VPS35L: variants seen among roughly 807,000 people sequenced by gnomAD.
VPS35L encodes VPS35 endosomal protein sorting factor like.
A neutral mutation model predicts 133.0 loss-of-function variants in VPS35L; 83 were observed. That is an observed-to-expected ratio of 0.62 (90% CI 0.52 to 0.75). The LOEUF is 0.75. Ranked by LOEUF, VPS35L falls within the 30% of genes least tolerant of loss-of-function variation. The pLI, the probability that VPS35L is intolerant of heterozygous loss-of-function variation, is 0.00. For synonymous variants in VPS35L, 423 were observed against 449.9 expected, an observed-to-expected ratio of 0.94 and a Z score of 0.76; for missense variants, 1,083 against 1,206.8, an observed-to-expected ratio of 0.90 and a Z score of 1.52.
intron 8 of VPS35L, among the ~76,000 whole-genome samples, chr16:19,598,960 G>A (rs1972297972): frequency 6.6e-6 from 1 of 152,202 alleles, no homozygotes; most frequent in South Asian, 2.1e-4. Context: ...TTTGCTGTGT[G>A]ATGGTCCGAG....
Position 19,627,717 on chromosome 16 carries a change from T to C in VPS35L, c.1295T>C (p.Met432Thr). 1 of 1,613,940 alleles carries C rather than the reference T, an allele frequency of 6.2e-7. No homozygotes were observed. Among genetic ancestry groups the C allele is most frequent in the Non-Finnish European group, 8.5e-7 (1 of 1,179,796 alleles). Residue 432 changes from methionine to threonine, a missense_variant, in exon 16 of 31, where the codon ATG becomes ACG. Coordinates refer to ENST00000417362, the MANE Select transcript of VPS35L (RefSeq NM_020314.7). Reference protein sequence around the residue: ...GNNALLLNSVMSAFRAEFIAT... With the variant: ...GNNALLLNSVTSAFRAEFIAT... ...AGTGCCTTGCTGTTGAATTCTGTGA[T>C]GTCTGCCTTCCGGGCTGAGTTCATC...
chr16:19,594,452 T>C (rs1465771895), intron 8 of VPS35L, among the ~76,000 whole-genome samples: 3 of 151,964 alleles, frequency 2.0e-5, no homozygotes, highest in Non-Finnish European at 2.9e-5. Flanking sequence ...GAGACCAGAC[T>C]GGCTAACATG....
At position 19,566,995 on chromosome 16, in the gene VPS35L, G is replaced by A. The variant is rs146083538; in HGVS notation, c.117+2045G>A. The stretch of plus-strand genomic sequence containing the variant: ...TCAAACTCCTGACCTCAGGTGATCC[G>A]CCTGCCTCAGCCTCCCAAAGTGCTG... On this transcript the variant is annotated intron_variant, in intron 2 of 30. Coordinates refer to ENST00000417362, the MANE Select transcript of VPS35L (RefSeq NM_020314.7). 4.6e-3 allele frequency among the ~76,000 whole-genome samples: 693 copies of A among 152,032 alleles called. 3 individuals are homozygous for A. Among genetic ancestry groups the A allele is most frequent in the African/African-American group, 0.016 (660 of 41,482 alleles).
chr16:19,646,396 C>T (rs924998015), intron 23 of VPS35L, among the ~76,000 whole-genome samples: 2 of 152,112 alleles, frequency 1.3e-5, no homozygotes, highest in Non-Finnish European at 1.5e-5. Flanking sequence ...AGGCCAGGCG[C>T]GGTGGCTCAC....
intron 2 of VPS35L, among the ~76,000 whole-genome samples, chr16:19,568,246 C>T (rs1336717431): frequency 2.0e-5 from 3 of 151,998 alleles, no homozygotes; most frequent in Non-Finnish European, 4.4e-5. Context: ...TTCATGTCCC[C>T]TCCAGGTACC....
intron 24 of VPS35L, among the ~76,000 whole-genome samples, chr16:19,648,329 A>G (rs1299879229): frequency 6.6e-6 from 1 of 152,140 alleles, no homozygotes; most frequent in African/African-American, 2.4e-5. Flanking sequence ...GTGGTTTCTC[A>G]AAGGTTAATA....
intron 27 of VPS35L, among the ~76,000 whole-genome samples, chr16:19,679,412 A>AT (rs1975181352): frequency 7.9e-6 from 1 of 126,968 alleles, no homozygotes; most frequent in Non-Finnish European, 1.7e-5. Context: ...ACACGTGGCT[A>AT]ATTTTTTTTT....
intron 14 of VPS35L, among the ~76,000 whole-genome samples, chr16:19,619,020 T>C (rs1972990553): frequency 6.7e-6 from 1 of 149,012 alleles, no homozygotes; most frequent in Non-Finnish European, 1.5e-5. Flanking sequence ...AACCTCCACC[T>C]CCCAGGTTCA....
At chr16:19,619,559 C>A (rs79835334) in intron 14 of VPS35L, among the ~76,000 whole-genome samples, 1 of 151,974 alleles carries the variant, frequency 6.6e-6, no homozygotes, top group Non-Finnish European at 1.5e-5. Flanking sequence ...GAAATGAGAA[C>A]GCTTTTTTTT....
intron 14 of VPS35L, among the ~76,000 whole-genome samples, chr16:19,625,530 G>C (rs2151563118): frequency 6.6e-6 from 1 of 152,222 alleles, no homozygotes; most frequent in Admixed American, 6.5e-5. Context: ...CAGATGAGAT[G>C]ATACCACTTG....
chr16:19,678,891 G>A (rs1399693746), intron 27 of VPS35L, among the ~76,000 whole-genome samples: 2 of 152,074 alleles, frequency 1.3e-5, no homozygotes, highest in Non-Finnish European at 2.9e-5. Flanking sequence ...TCGGTTGTGA[G>A]CAAAAGCTCA....
At chr16:19,690,167 A>T (rs1004411953) in intron 28 of VPS35L, among the ~76,000 whole-genome samples, 5 of 152,180 alleles carry the variant, frequency 3.3e-5, no homozygotes, top group Non-Finnish European at 7.3e-5. Flanking sequence ...TCAGCCTCCC[A>T]GAGTGCTGGG....
intron 12 of VPS35L, among the ~76,000 whole-genome samples, chr16:19,613,250 C>T (rs1483591250): frequency 6.6e-6 from 1 of 152,152 alleles, no homozygotes; most frequent in Non-Finnish European, 1.5e-5. Context: ...TTGCAGTGAG[C>T]CAAGATCGCG....
intron 8 of VPS35L, among the ~76,000 whole-genome samples, chr16:19,594,337 C>T (rs9935570): frequency 0.026 from 3,911 of 152,180 alleles, 180 homozygotes; most frequent in African/African-American, 0.09. Flanking sequence ...TGTCAGCAAA[C>T]AGAAGGGATA....
chr16:19,626,417 T>A (rs1973263204), intron 15 of VPS35L, among the ~76,000 whole-genome samples, 194 bp downstream of exon 15: 1 of 152,166 alleles, frequency 6.6e-6, no homozygotes, highest in African/African-American at 2.4e-5. Flanking sequence ...CTTGGGCCGC[T>A]TGCTTGACCT....
intron 27 of VPS35L, among the ~76,000 whole-genome samples, chr16:19,670,548 T>C (rs1974841681): frequency 6.6e-6 from 1 of 152,206 alleles, no homozygotes; most frequent in Admixed American, 6.5e-5. Flanking sequence ...ATAGTAAACT[T>C]TCTAGAAAGC....
At chr16:19,665,064 T>C (rs1403564966) in intron 26 of VPS35L, among the ~76,000 whole-genome samples, 2 of 152,158 alleles carry the variant, frequency 1.3e-5, no homozygotes, top group African/African-American at 4.8e-5. Flanking sequence ...ACTTAGTAAG[T>C]GTATATATTT....
intron 14 of VPS35L, among the ~76,000 whole-genome samples, chr16:19,622,407 G>C (rs548585075): frequency 1.3e-5 from 2 of 152,064 alleles, no homozygotes; most frequent in East Asian, 3.9e-4. Context: ...CCTCCAAAGT[G>C]CTGGGATTAC....
At chr16:19,595,031 C>G (rs1464666399) in intron 8 of VPS35L, among the ~76,000 whole-genome samples, 2 of 152,062 alleles carry the variant, frequency 1.3e-5, no homozygotes, top group Non-Finnish European at 2.9e-5. Flanking sequence ...CCAGGCTGGC[C>G]TGAGAACCAA....
Sources: gnomAD v4.1 joint callset for allele counts (sites outside exome capture counted in the v4.1 genomes callset) on GRCh38, gnomAD v4.1.1 for gene constraint, MANE v1.5 for transcripts, NCBI Gene and HGNC (gene_info 2026-07-23, HGNC 2026-07-21) for gene names.